Variants in DGKI observed in about 807,000 individuals in gnomAD.
DGKI encodes the protein DAG kinase iota.
DGKI carries 55 observed loss-of-function variants against 147.5 expected under a neutral mutation model. That is an observed-to-expected ratio of 0.37 (90% CI 0.30 to 0.47). The LOEUF (loss-of-function observed/expected upper bound fraction) is 0.47. Among genes scored for constraint, DGKI ranks in the 20% least tolerant of loss-of-function variants. DGKI has a pLI of 1.00. For missense variants in DGKI, 1,007 were observed against 1,323.8 expected, an observed-to-expected ratio of 0.76 and a Z score of 3.71; for synonymous variants, 469 against 477.1, an observed-to-expected ratio of 0.98 and a Z score of 0.22.
intron 23 of DGKI, among the ~76,000 whole-genome samples, chr7:137,472,171 C>G (rs1178081283): frequency 8.6e-6 from 1 of 116,092 alleles, no homozygotes; most frequent in Admixed American, 1.0e-4. Context: ...TATATATACA[C>G]ATATATATGT....
chr7:137,510,356 A>T (rs1057238229), intron 21 of DGKI, among the ~76,000 whole-genome samples: 1 of 152,242 alleles, frequency 6.6e-6, no homozygotes, highest in African/African-American at 2.4e-5. Flanking sequence ...GTTAAATGTG[A>T]TATAAGCTTT....
chr7:137,617,503 T>G (rs1315342101), intron 8 of DGKI, among the ~76,000 whole-genome samples: 1 of 152,162 alleles, frequency 6.6e-6, no homozygotes, highest in East Asian at 1.9e-4. Flanking sequence ...TTTAATGCTA[T>G]CTTTTACAGA....
At chr7:137,753,942 T>C (rs1795594948) in intron 1 of DGKI, among the ~76,000 whole-genome samples, 1 of 152,158 alleles carries the variant, frequency 6.6e-6, no homozygotes, top group African/African-American at 2.4e-5. Flanking sequence ...TCAATGTTTC[T>C]ATTACAACAT....
chr7:137,752,311 G>T (rs976223474), intron 1 of DGKI, among the ~76,000 whole-genome samples: 1 of 152,102 alleles, frequency 6.6e-6, no homozygotes, highest in South Asian at 2.1e-4. Context: ...GGTATCGATA[G>T]GGGGTCCTGG....
chr7:137,536,363 A>C (rs1817520406), intron 20 of DGKI, among the ~76,000 whole-genome samples: 1 of 152,154 alleles, frequency 6.6e-6, no homozygotes, highest in South Asian at 2.1e-4. Context: ...GTGCTTAGGT[A>C]CATATTATGT....
At chr7:137,615,047 G>A (rs779853187) in intron 8 of DGKI, among the ~76,000 whole-genome samples, 2 of 151,900 alleles carry the variant, frequency 1.3e-5, no homozygotes, top group Non-Finnish European at 2.9e-5. Flanking sequence ...AAAATGCTCC[G>A]TACTGCTTCA....
chr7:137,829,836 G>C (rs955502157), intron 1 of DGKI, among the ~76,000 whole-genome samples: 7 of 152,208 alleles, frequency 4.6e-5, no homozygotes, highest in Non-Finnish European at 8.8e-5. Flanking sequence ...AATAGCTTAA[G>C]CCAGTTTTTG....
rs575763725 is a variant in DGKI, at chr7:137,519,682, C to G, written c.2248+2184G>C. Among the ~76,000 whole-genome samples, 376 of 152,136 alleles carry G rather than the reference C, an allele frequency of 2.5e-3. 1 individual carries two copies. Among genetic ancestry groups the G allele is most frequent in the Non-Finnish European group, 4.1e-3 (282 of 67,958 alleles). ...TATACTCAGTTTGAGCCCTGTCAGCCTTCCCATGAATCTGTATTCTGTTTC... is the reference window on the plus strand; with the variant it reads ...TATACTCAGTTTGAGCCCTGTCAGCGTTCCCATGAATCTGTATTCTGTTTC... On this transcript the variant is annotated intron_variant, in intron 21 of 32. Transcript: ENST00000614521.
intron 23 of DGKI, among the ~76,000 whole-genome samples, chr7:137,472,093 A>G (rs1270100409): frequency 1.7e-5 from 2 of 115,474 alleles, no homozygotes; most frequent in Admixed American, 9.7e-5. Flanking sequence ...TATAATATAT[A>G]CACATATATG....
At chr7:137,723,916 G>T (rs1794643376) in intron 1 of DGKI, among the ~76,000 whole-genome samples, 1 of 151,854 alleles carries the variant, frequency 6.6e-6, no homozygotes, top group African/African-American at 2.4e-5. Context: ...CACCATGTTG[G>T]CCAGGATAGT....
chr7:137,519,918 T>G (rs1295947975), intron 21 of DGKI, among the ~76,000 whole-genome samples: 2 of 152,088 alleles, frequency 1.3e-5, no homozygotes, highest in African/African-American at 4.8e-5. Context: ...AATAACTCCT[T>G]TATCCCCTTT....
chr7:137,587,854 A>T (rs1023030407), intron 12 of DGKI, among the ~76,000 whole-genome samples: 2 of 152,204 alleles, frequency 1.3e-5, no homozygotes, highest in Admixed American at 1.3e-4. Flanking sequence ...CCTAGTACCT[A>T]TTATAAGTTT....
intron 1 of DGKI, among the ~76,000 whole-genome samples, chr7:137,842,920 C>T (rs1054979644): frequency 3.9e-5 from 6 of 152,164 alleles, no homozygotes; most frequent in African/African-American, 9.7e-5. Flanking sequence ...ACTGCACACA[C>T]GCATGCATAC....
At chr7:137,579,436 T>TAAAAAAAAAA (rs71533758) in intron 15 of DGKI, among the ~76,000 whole-genome samples, 11 of 108,182 alleles carry the variant, frequency 1.0e-4, no homozygotes, top group African/African-American at 3.4e-4. Flanking sequence ...ACAGAAACAG[T>TAAAAAAAAAA]AAAAAAAAAA....
At chr7:137,827,140 T>C (rs983915096) in intron 1 of DGKI, among the ~76,000 whole-genome samples, 6 of 151,952 alleles carry the variant, frequency 3.9e-5, no homozygotes, top group African/African-American at 1.2e-4. Context: ...CATGGCAGGG[T>C]GGAGGTGTCA....
chr7:137,845,306 T>A (rs1798679585), intron 1 of DGKI, among the ~76,000 whole-genome samples: 1 of 152,132 alleles, frequency 6.6e-6, no homozygotes, highest in Non-Finnish European at 1.5e-5. Context: ...CCTGCCCCCA[T>A]AAATAAAACA....
chr7:137,656,393 G>A lies in DGKI; in HGVS notation c.681+73C>T, dbSNP rs1822221766. 19 of 1,524,402 alleles carry A rather than the reference G, an allele frequency of 1.2e-5. No individual in the cohort carries two copies. The South Asian group carries it at 2.1e-4, about 17-fold the overall frequency. The allele number at this position is 1,524,402 out of a possible 1,614,324, so 94.4% of individuals were successfully genotyped here. ...CATTGTTTTCAAAAAGTTGGAACTG[G>A]AAATTTACACCGGGCCTCTGAAGAC... On this transcript the variant is annotated intron_variant, in intron 4 of 32. Coordinates refer to ENST00000614521, the MANE Select transcript of DGKI (RefSeq NM_001321708.2).
At chr7:137,725,704 T>C (rs1283898657) in intron 1 of DGKI, among the ~76,000 whole-genome samples, 1 of 152,212 alleles carries the variant, frequency 6.6e-6, no homozygotes, top group East Asian at 1.9e-4. Flanking sequence ...TGACTTTCCA[T>C]TCTTTTCCTG....
At chr7:137,672,509 G>C (rs73730092) in intron 3 of DGKI, among the ~76,000 whole-genome samples, 6,332 of 152,244 alleles carry the variant, frequency 0.042, 387 homozygotes, top group African/African-American at 0.14. Flanking sequence ...GGTGTTCTGT[G>C]GGGAACCCAA....
Sources: gnomAD v4.1 joint callset for allele counts (sites outside exome capture counted in the v4.1 genomes callset) on GRCh38, gnomAD v4.1.1 for gene constraint, MANE v1.5 for transcripts, NCBI Gene and HGNC (gene_info 2026-07-23, HGNC 2026-07-21) for gene names.